Variants in DMD observed in about 807,000 individuals in gnomAD.
DMD encodes dystrophin, also known as mutant dystrophin.
A neutral mutation model predicts 330.1 loss-of-function variants in DMD; 63 were observed. The ratio of observed to expected loss-of-function variants is 0.19; its 90% CI spans 0.16 to 0.24. DMD has a LOEUF of 0.24. Ranked by LOEUF, DMD falls within the 10% of genes least tolerant of loss-of-function variation. The pLI, the probability that DMD is intolerant of heterozygous loss-of-function variation, is 1.00. For synonymous variants in DMD, 1,223 were observed against 959.8 expected (o/e 1.27, Z -5.07); for missense variants, 3,344 against 2,684.1 (o/e 1.25, Z -5.43).
chrX:32,706,504 C>T, intron 7 of DMD, among the ~76,000 whole-genome samples: 1 of 109,921 alleles, frequency 9.1e-6, no homozygotes. Context: ...GAGGAGGTTG[C>T]AGCAAGCTGA....
At chrX:31,255,042 C>CAAA (rs200072850) in intron 63 of DMD, among the ~76,000 whole-genome samples, 2 of 46,811 alleles carry the variant, frequency 4.3e-5, no homozygotes, top group African/African-American at 7.9e-5. Flanking sequence ...AAGATGCTGT[C>CAAA]AAAAAAAAAA....
chrX:31,988,300 G>A (rs991672307), intron 44 of DMD, among the ~76,000 whole-genome samples: 4 of 107,828 alleles, frequency 3.7e-5, no homozygotes, highest in Non-Finnish European at 3.8e-5. Flanking sequence ...GTGAAACTCC[G>A]TCTCTACTAA....
At chrX:33,043,221 G>A (rs767408042) in intron 1 of DMD, among the ~76,000 whole-genome samples, 19 of 111,432 alleles carry the variant, frequency 1.7e-4, no homozygotes, top group African/African-American at 5.5e-4. Context: ...AGAGTAACAC[G>A]GGTGACAAAT....
intron 29 of DMD, among the ~76,000 whole-genome samples, chrX:32,421,792 T>C (rs1431586011): frequency 8.9e-6 from 1 of 111,736 alleles, no homozygotes; most frequent in Non-Finnish European, 1.9e-5. Flanking sequence ...CTTTAACTTG[T>C]AGGATTGTTA....
intron 7 of DMD, among the ~76,000 whole-genome samples, chrX:32,744,119 A>C (rs1406310656): frequency 9.0e-6 from 1 of 110,622 alleles, no homozygotes; most frequent in African/African-American, 3.3e-5. Flanking sequence ...AGGGCTTTTC[A>C]GTTACCCTCT....
Position 31,409,919 on chromosome X carries a change from A to T in DMD, c.9084+34562T>A, listed in dbSNP as rs182567432. Among the ~76,000 whole-genome samples the T allele has an allele frequency of 4.6e-3, 519 of 111,695 alleles. 3 individuals carry two copies. Among genetic ancestry groups the T allele is most frequent in the African/African-American group, 0.016 (492 of 30,698 alleles). On this transcript the variant is annotated intron_variant, in intron 60 of 78. Transcript: ENST00000357033. ...CTGCAACCTCTGCCTTCCGGGTTCCAGAGATTGTCCTGCCTCAGCCTCCCG... is the reference window on the plus strand; with the variant it reads ...CTGCAACCTCTGCCTTCCGGGTTCCTGAGATTGTCCTGCCTCAGCCTCCCG...
chrX:32,796,903 C>T (rs1007242253), intron 7 of DMD, among the ~76,000 whole-genome samples: 2 of 111,793 alleles, frequency 1.8e-5, no homozygotes, highest in Non-Finnish European at 3.8e-5. Context: ...ATGACATCAA[C>T]AAAGACTTTA....
intron 59 of DMD, among the ~76,000 whole-genome samples, chrX:31,454,241 C>T (rs1052913038): frequency 4.5e-5 from 5 of 110,935 alleles, no homozygotes; most frequent in East Asian, 5.6e-4. Context: ...TGGGTTCAAG[C>T]GATTCTCCTG....
intron 55 of DMD, among the ~76,000 whole-genome samples, chrX:31,525,207 G>A (rs973487972): frequency 9.0e-6 from 1 of 111,653 alleles, no homozygotes; most frequent in African/African-American, 3.3e-5. Flanking sequence ...GATCAGTTTT[G>A]AGATCCAAGA....
chrX:31,416,216 G>C (rs1050491061), intron 60 of DMD, among the ~76,000 whole-genome samples: 6 of 111,905 alleles, frequency 5.4e-5, no homozygotes, highest in Non-Finnish European at 9.4e-5. Flanking sequence ...AAAACCCAGA[G>C]ACTGCTACTA....
chrX:32,729,401 GCACTT>G (rs1329583675), intron 7 of DMD, among the ~76,000 whole-genome samples: 1 of 111,803 alleles, frequency 8.9e-6, no homozygotes, highest in Non-Finnish European at 1.9e-5. Context: ...CATTAATGTA[GCACTT>G]CAGCTTTGGA....
intron 2 of DMD, among the ~76,000 whole-genome samples, chrX:32,883,846 A>AAAAAAAGAAAAGAAAAAG (rs2084251414): frequency 2.0e-5 from 2 of 101,967 alleles, no homozygotes; most frequent in African/African-American, 7.4e-5. Context: ...AAAAAAAAAA[A>AAAAAAAGAAAAGAAAAAG]AAAAAGAAAA....
intron 19 of DMD, among the ~76,000 whole-genome samples, chrX:32,495,296 A>G (rs1441170903): frequency 8.9e-6 from 1 of 111,875 alleles, no homozygotes; most frequent in Non-Finnish European, 1.9e-5. Flanking sequence ...AGCTTGGAGT[A>G]GAAAGAGTAT....
chrX:31,885,611 C>CAAAAAAAAAAAAAAAAA (rs762289533), intron 47 of DMD, among the ~76,000 whole-genome samples: 4 of 52,340 alleles, frequency 7.6e-5, no homozygotes, highest in Admixed American at 3.0e-4. Flanking sequence ...CTCCGTCTCA[C>CAAAAAAAAAAAAAAAAA]AAAAAAAAAA....
chrX:31,589,346 A>G (rs1261952189), intron 55 of DMD, among the ~76,000 whole-genome samples: 1 of 111,120 alleles, frequency 9.0e-6, no homozygotes, highest in Non-Finnish European at 1.9e-5. Flanking sequence ...CAGCTATTCT[A>G]TCATTCCGGG....
At chrX:31,198,441 C>G (rs2043125192) in intron 67 of DMD, among the ~76,000 whole-genome samples, 1 of 111,375 alleles carries the variant, frequency 9.0e-6, no homozygotes, top group African/African-American at 3.3e-5. Context: ...AATGTTCCTA[C>G]CAGAGAAATG....
rs66785774 is a variant in DMD at position 32,899,975 on chromosome X, T to TA, written c.94-50156dup. On this transcript the variant is annotated intron_variant, in intron 2 of 78. Transcript: ENST00000357033. ...ATATTTTTAAAAGAGGTTTTGTTGA[T>TA]AAAAAAAAGAAAGTTTGTGAACCAC... 7.2e-3 allele frequency among the ~76,000 whole-genome samples: 802 copies of TA among 111,010 alleles called. 30 individuals carry two copies. The East Asian group carries it at 0.13, about 19-fold the overall frequency.
At chrX:32,977,146 A>G (rs2092575813) in intron 2 of DMD, among the ~76,000 whole-genome samples, 1 of 109,783 alleles carries the variant, frequency 9.1e-6, no homozygotes, top group Non-Finnish European at 1.9e-5. Flanking sequence ...ATAAAAATAC[A>G]AAAATTAACC....
intron 11 of DMD, among the ~76,000 whole-genome samples, chrX:32,636,956 C>G (rs1187653930): frequency 9.1e-6 from 1 of 109,502 alleles, no homozygotes; most frequent in Non-Finnish European, 1.9e-5. Flanking sequence ...CGAGATAGCG[C>G]CACTGCACTC....
Sources: allele counts gnomAD v4.1 joint callset (sites outside exome capture counted in the v4.1 genomes callset), GRCh38; gene constraint gnomAD v4.1.1; transcripts MANE v1.5; gene names NCBI Gene and HGNC (gene_info 2026-07-23, HGNC 2026-07-21).